CSMD2: variants seen among roughly 807,000 people sequenced by gnomAD.
CSMD2 encodes the protein CUB and Sushi multiple domains 2.
Under a neutral mutation model 398.5 loss-of-function variants are expected in CSMD2, and 130 were observed. That is an observed-to-expected ratio of 0.33 (90% CI 0.28 to 0.38). The LOEUF is 0.38. Ranked by LOEUF, CSMD2 falls within the 10% of genes least tolerant of loss-of-function variation. CSMD2 has a pLI of 1.00. For missense variants in CSMD2, 3,829 were observed against 4,764.9 expected (o/e 0.80, Z 5.78); for synonymous variants, 1,828 against 1,908.5 (o/e 0.96, Z 1.10).
At chr1:33,992,036 T>A (rs1452326800) in intron 3 of CSMD2, among the ~76,000 whole-genome samples, 1 of 152,154 alleles carries the variant, frequency 6.6e-6, no homozygotes, top group Non-Finnish European at 1.5e-5. Context: ...ATAGCATTAT[T>A]TGACAATCAG....
chr1:34,103,136 T>C (rs1202427480), intron 1 of CSMD2, among the ~76,000 whole-genome samples: 2 of 152,044 alleles, frequency 1.3e-5, no homozygotes, highest in Admixed American at 1.3e-4. Context: ...TTCAAACTCA[T>C]TACCTTCTCC....
chr1:33,829,403 T>C (rs1659210230), intron 6 of CSMD2, among the ~76,000 whole-genome samples: 1 of 152,220 alleles, frequency 6.6e-6, no homozygotes, highest in South Asian at 2.1e-4. Flanking sequence ...CCTTTTTTTA[T>C]TATTATACTT....
chr1:34,067,409 G>A (rs193099305), intron 2 of CSMD2, among the ~76,000 whole-genome samples: 46 of 152,286 alleles, frequency 3.0e-4, no homozygotes, highest in African/African-American at 1.1e-3. Context: ...TAGGTGGGGG[G>A]TGCATTCTTA....
At chr1:33,993,185 T>A (rs1173127801) in intron 3 of CSMD2, among the ~76,000 whole-genome samples, 1 of 152,216 alleles carries the variant, frequency 6.6e-6, no homozygotes, top group Non-Finnish European at 1.5e-5. Flanking sequence ...AGGTTACGCA[T>A]CAATCCATGA....
chr1:33,888,825 T>C (rs1558057385), intron 5 of CSMD2, among the ~76,000 whole-genome samples: 1 of 151,798 alleles, frequency 6.6e-6, no homozygotes, highest in Non-Finnish European at 1.5e-5. Context: ...TGGAGTGCAG[T>C]GGCGCAATAT....
chr1:34,001,858 C>A (rs1464855504), intron 3 of CSMD2, among the ~76,000 whole-genome samples: 1 of 152,188 alleles, frequency 6.6e-6, no homozygotes, highest in East Asian at 1.9e-4. Flanking sequence ...CATGCGCTAA[C>A]CTCCTCCTCT....
At chr1:33,841,913 T>C (rs564913107) in intron 6 of CSMD2, among the ~76,000 whole-genome samples, 1 of 152,250 alleles carries the variant, frequency 6.6e-6, no homozygotes, top group South Asian at 2.1e-4. Flanking sequence ...GGGAGGGGAA[T>C]GGTGGTCTCA....
At chr1:33,864,104 A>G in intron 5 of CSMD2, 6 of 1,306,920 alleles carry the variant, frequency 4.6e-6, no homozygotes, top group Non-Finnish European at 5.3e-6. Flanking sequence ...CTGCAAGTAC[A>G]GCACTTTCTA....
chr1:34,035,322 T>C (rs191681579), intron 2 of CSMD2, among the ~76,000 whole-genome samples: 11 of 152,098 alleles, frequency 7.2e-5, no homozygotes, highest in Non-Finnish European at 7.4e-5. Flanking sequence ...TCTAATCTCT[T>C]CCAGAAAAGA....
chr1:33,970,110 A>C (rs1213749535), intron 3 of CSMD2, among the ~76,000 whole-genome samples: 4 of 151,362 alleles, frequency 2.6e-5, no homozygotes, highest in Non-Finnish European at 5.9e-5. Context: ...CCATCTCAAA[A>C]AAAAAAAAAA....
intron 1 of CSMD2, among the ~76,000 whole-genome samples, chr1:34,102,602 T>TGCTGGACCTTTGC: frequency 1.2e-5 from 1 of 81,864 alleles, no homozygotes; most frequent in Non-Finnish European, 3.1e-5. Flanking sequence ...AATCCGGCCA[T>TGCTGGACCTTTGC]ATCCCTGTGA....
intron 53 of CSMD2, among the ~76,000 whole-genome samples, chr1:33,561,262 A>G (rs750178937): frequency 6.6e-6 from 1 of 152,116 alleles, no homozygotes; most frequent in Non-Finnish European, 1.5e-5. Flanking sequence ...AGCAGGGGAC[A>G]TGCTGTTAGT....
At chr1:34,057,808 T>C (rs1654021908) in intron 2 of CSMD2, among the ~76,000 whole-genome samples, 1 of 152,206 alleles carries the variant, frequency 6.6e-6, no homozygotes, top group South Asian at 2.1e-4. Context: ...CCACCTTGTC[T>C]CTCTGGCTTA....
intron 67 of CSMD2, 93 bp from the exon 68 acceptor site, chr1:33,521,643 C>T (rs566730669): frequency 3.6e-6 from 3 of 826,952 alleles, no homozygotes; most frequent in South Asian, 2.8e-5. Flanking sequence ...GCAGGTCACC[C>T]ACTGACCTGC....
intron 2 of CSMD2, among the ~76,000 whole-genome samples, chr1:34,049,143 G>A (rs1248941659): frequency 6.6e-6 from 1 of 152,164 alleles, no homozygotes; most frequent in Non-Finnish European, 1.5e-5. Flanking sequence ...CACACGTTGT[G>A]AACAGTGGAG....
intron 55 of CSMD2, among the ~76,000 whole-genome samples, chr1:33,550,761 A>C (rs1657369567): frequency 6.6e-6 from 1 of 152,208 alleles, no homozygotes; most frequent in Non-Finnish European, 1.5e-5. Flanking sequence ...AATGAAAGCC[A>C]ATTATAGCCC....
chr1:33,891,648 C>A (rs1450083045), intron 5 of CSMD2, among the ~76,000 whole-genome samples: 1 of 151,806 alleles, frequency 6.6e-6, no homozygotes, highest in Non-Finnish European at 1.5e-5. Flanking sequence ...TGGAACCAAC[C>A]CAAGTGTCCA....
At chr1:34,082,615 G>C (rs573136904) in intron 2 of CSMD2, among the ~76,000 whole-genome samples, 61 of 152,248 alleles carry the variant, frequency 4.0e-4, no homozygotes, top group Non-Finnish European at 1.9e-4. Flanking sequence ...TGACGATGGC[G>C]GTTTTGTCAA....
chr1:33,852,008 C>T (rs879724632), intron 5 of CSMD2, among the ~76,000 whole-genome samples: 8 of 152,064 alleles, frequency 5.3e-5, no homozygotes, highest in Admixed American at 1.3e-4. Flanking sequence ...ATTCAATTCC[C>T]GGCTACCTAG....
Sources: gnomAD v4.1 joint callset for allele counts (sites outside exome capture counted in the v4.1 genomes callset) on GRCh38, gnomAD v4.1.1 for gene constraint, MANE v1.5 for transcripts, NCBI Gene and HGNC (gene_info 2026-07-23, HGNC 2026-07-21) for gene names.